The following PRKCB variants were observed in gnomAD, a reference collection of about 807,000 sequenced individuals.
The protein encoded by PRKCB is protein kinase C beta.
Under a neutral mutation model 81.5 loss-of-function variants are expected in PRKCB, and 13 were observed. The observed-to-expected ratio is 0.16, with a 90% CI of 0.10 to 0.25. The LOEUF (loss-of-function observed/expected upper bound fraction) is 0.25, where lower values mean the gene tolerates loss of function less well. PRKCB is among the 10% of genes least tolerant of loss of function. The pLI is 1.00. For synonymous variants in PRKCB, 335 were observed against 321.4 expected (o/e 1.04, Z -0.45); for missense variants, 509 against 875.7 (o/e 0.58, Z 5.29).
At chr16:24,083,905 C>CAG (rs1328972241) in intron 5 of PRKCB, among the ~76,000 whole-genome samples, 2 of 151,668 alleles carry the variant, frequency 1.3e-5, no homozygotes, top group Non-Finnish European at 2.9e-5. Context: ...CAAGTACACA[C>CAG]AGAGAGAGAG....
chr16:24,189,204 C>T (rs1007948871), intron 15 of PRKCB, among the ~76,000 whole-genome samples: 5 of 152,210 alleles, frequency 3.3e-5, no homozygotes, highest in Non-Finnish European at 7.3e-5. Context: ...CCAGCTCTTA[C>T]TGACTCTACC....
intron 2 of PRKCB, among the ~76,000 whole-genome samples, chr16:23,881,982 C>CT (rs1199307590): frequency 1.4e-4 from 3 of 22,012 alleles, no homozygotes; most frequent in Non-Finnish European, 3.0e-4. Flanking sequence ...TTCTTTCTTT[C>CT]TTTCTTTCTT....
At chr16:24,081,943 A>G (rs1394626459) in intron 5 of PRKCB, among the ~76,000 whole-genome samples, 3 of 152,174 alleles carry the variant, frequency 2.0e-5, no homozygotes, top group Non-Finnish European at 4.4e-5. Flanking sequence ...TTGTTTCTAT[A>G]CACAGAAAAC....
chr16:23,867,666 T>C (rs1294416062), intron 2 of PRKCB, among the ~76,000 whole-genome samples: 1 of 152,232 alleles, frequency 6.6e-6, no homozygotes, highest in Admixed American at 6.5e-5. Flanking sequence ...CCCTTATTAT[T>C]GGTTTAGCTC....
chr16:24,023,998 A>G lies in PRKCB; in HGVS notation c.289-8138A>G, dbSNP rs77917377. Among the ~76,000 whole-genome samples the G allele has an allele frequency of 9.9e-3, 1,502 of 152,280 alleles. 13 individuals carry two copies. Among genetic ancestry groups the G allele is most frequent in the Non-Finnish European group, 0.013 (890 of 68,014 alleles). On this transcript the variant is annotated intron_variant, in intron 3 of 16. Transcript: ENST00000643927. The stretch of plus-strand genomic sequence containing the variant: ...CTGGATTGGCTGAAGCACAAAGGAC[A>G]AATTTTAGAGGACACAGGGAGGCAG...
intron 3 of PRKCB, among the ~76,000 whole-genome samples, chr16:24,030,998 A>G (rs1965544117): frequency 6.6e-6 from 1 of 152,122 alleles, no homozygotes; most frequent in Non-Finnish European, 1.5e-5. Context: ...CAGGAAGTCA[A>G]GGTCCCAGTG....
chr16:24,074,896 A>G lies in PRKCB; in HGVS notation c.530-17895A>G, dbSNP rs539083035. Among the ~76,000 whole-genome samples the G allele has an allele frequency of 5.3e-5, 8 of 152,326 alleles. No homozygotes were observed. The South Asian group carries it at 1.7e-3, about 32-fold the overall frequency. On this transcript the variant is annotated intron_variant, in intron 5 of 16. Transcript: ENST00000643927. ...CAAAACTTTGGGAGGCCAAGGTGGA[A>G]GGATTGCTTGAGGCCAGGAGTTTGA...
intron 2 of PRKCB, among the ~76,000 whole-genome samples, chr16:23,944,419 T>G (rs1432697044): frequency 6.6e-6 from 1 of 152,250 alleles, no homozygotes; most frequent in African/African-American, 2.4e-5. Flanking sequence ...TTTAGATTTT[T>G]TTTTATTCAC....
intron 16 of PRKCB, among the ~76,000 whole-genome samples, chr16:24,193,121 GC>G (rs1967819252): frequency 6.6e-6 from 1 of 151,894 alleles, no homozygotes; most frequent in African/African-American, 2.4e-5. Flanking sequence ...CACCATGTCT[GC>G]CTAATTTTTT....
chr16:24,109,556 C>G (rs1196797236), intron 7 of PRKCB, among the ~76,000 whole-genome samples: 9 of 114,228 alleles, frequency 7.9e-5, no homozygotes, highest in African/African-American at 8.7e-5. Flanking sequence ...GATGGCCGCC[C>G]GGCAGAGGTG....
chr16:23,902,086 C>T (rs116804838), intron 2 of PRKCB, among the ~76,000 whole-genome samples: 4,044 of 152,084 alleles, frequency 0.027, 171 homozygotes, highest in African/African-American at 0.092. Flanking sequence ...TAACTCAAAG[C>T]CAGTTGATAA....
intron 1 of PRKCB, chr16:23,837,120 AC>A: frequency 3.5e-6 from 2 of 566,002 alleles, no homozygotes; most frequent in Non-Finnish European, 6.3e-6. Context: ...CCCTACCCCG[AC>A]GGAAACGCTC....
intron 5 of PRKCB, among the ~76,000 whole-genome samples, chr16:24,087,213 C>T (rs961883547): frequency 6.6e-6 from 1 of 152,190 alleles, no homozygotes; most frequent in Non-Finnish European, 1.5e-5. Context: ...GACAGTTCAG[C>T]TCCAGATTTC....
chr16:24,146,748 G>A (rs1966996060), intron 9 of PRKCB, among the ~76,000 whole-genome samples: 1 of 152,114 alleles, frequency 6.6e-6, no homozygotes, highest in South Asian at 2.1e-4. Context: ...AGATTCTTGG[G>A]GGAACAGATG....
At chr16:23,995,612 C>G (rs1964945726) in intron 3 of PRKCB, among the ~76,000 whole-genome samples, 1 of 152,074 alleles carries the variant, frequency 6.6e-6, no homozygotes, top group African/African-American at 2.4e-5. Context: ...TGGGTCTTAT[C>G]TAAACCACCG....
intron 2 of PRKCB, among the ~76,000 whole-genome samples, chr16:23,951,904 T>C (rs1487664660): frequency 3.9e-5 from 6 of 152,196 alleles, no homozygotes. Context: ...TAAATAGATA[T>C]AGGTACCTTG....
chr16:23,951,921 C>A (rs1349140976), intron 2 of PRKCB, among the ~76,000 whole-genome samples: 1 of 152,114 alleles, frequency 6.6e-6, no homozygotes, highest in Non-Finnish European at 1.5e-5. Flanking sequence ...CTTGTATATA[C>A]TCCTTGATAT....
chr16:23,922,516 A>C (rs1963840595), intron 2 of PRKCB, among the ~76,000 whole-genome samples: 1 of 152,246 alleles, frequency 6.6e-6, no homozygotes, highest in Admixed American at 6.5e-5. Context: ...GACTATATGC[A>C]AATGTTATTT....
At chr16:23,868,189 G>A (rs1962839384) in intron 2 of PRKCB, among the ~76,000 whole-genome samples, 1 of 152,068 alleles carries the variant, frequency 6.6e-6, no homozygotes. Context: ...ATTTCTTCAG[G>A]TCCTGCAAAA....
Sources: allele counts gnomAD v4.1 joint callset (sites outside exome capture counted in the v4.1 genomes callset), GRCh38; gene constraint gnomAD v4.1.1; transcripts MANE v1.5; gene names NCBI Gene and HGNC (gene_info 2026-07-23, HGNC 2026-07-21).